SDC2: variants seen among roughly 807,000 people sequenced by gnomAD.
SDC2 encodes the protein syndecan 2.
Under a neutral mutation model 22.2 loss-of-function variants are expected in SDC2, and 13 were observed. The ratio of observed to expected loss-of-function variants is 0.59; its 90% confidence interval spans 0.38 to 0.93. The LOEUF is 0.93. SDC2 is among the 40% of genes least tolerant of loss of function. The pLI, the probability that SDC2 is intolerant of heterozygous loss-of-function variation, is 0.00. For missense variants in SDC2, 235 were observed against 246.8 expected (o/e 0.95, Z 0.32); for synonymous variants, 94 against 92.8 (o/e 1.01, Z -0.07).
chr8:96,559,940 T>G (rs1181716324), intron 1 of SDC2, among the ~76,000 whole-genome samples: 1 of 152,236 alleles, frequency 6.6e-6, no homozygotes. Flanking sequence ...ATATCAATAA[T>G]TCATTTGCCT....
intron 1 of SDC2, among the ~76,000 whole-genome samples, chr8:96,588,546 C>T (rs562673905): frequency 6.6e-6 from 1 of 152,134 alleles, no homozygotes; most frequent in Non-Finnish European, 1.5e-5. Flanking sequence ...GTTGGACTGC[C>T]TTTACCGTAA....
intron 1 of SDC2, among the ~76,000 whole-genome samples, chr8:96,545,369 C>G (rs889093394): frequency 6.6e-6 from 1 of 152,112 alleles, no homozygotes; most frequent in Non-Finnish European, 1.5e-5. Context: ...TTTTCACTTC[C>G]CCTTCCCCCA....
rs774751152 is a variant in SDC2, at chr8:96,609,451, G to C, written c.509G>C (p.Arg170Pro). The change falls in exon 5 of 5, where the codon CGC becomes CCC. Residue 170 changes from arginine (R) to proline (P), a missense_variant. By Grantham distance (103) the Arg-to-Pro change is moderately radical. Transcript: ENST00000302190. ...TTTCTTATCCTGCTGTTGGTGTATC[G>C]CATGAGAAAGAAGGATGAAGGAAGC... Reference protein sequence around the residue: ...AIFLILLLVYRMRKKDEGSYD... With the variant: ...AIFLILLLVYPMRKKDEGSYD... 1 of 1,613,224 alleles carries C rather than the reference G, an allele frequency of 6.2e-7. No homozygotes were observed. The highest frequency in any genetic ancestry group is 1.3e-5 in the African/African-American group (1 of 74,862).
intron 1 of SDC2, among the ~76,000 whole-genome samples, chr8:96,507,011 GA>G (rs3065030): frequency 0.044 from 4,897 of 111,352 alleles, 273 homozygotes; most frequent in African/African-American, 0.14. Flanking sequence ...TCTGTCTCAG[GA>G]AAAAAAAAAA....
intron 1 of SDC2, among the ~76,000 whole-genome samples, chr8:96,503,528 CACAT>C (rs1217408961): frequency 7.9e-5 from 12 of 151,842 alleles, no homozygotes; most frequent in Admixed American, 7.9e-4. Context: ...TGTGTAGATA[CACAT>C]ACACAAACAT....
At chr8:96,578,887 CA>C (rs1467836713) in intron 1 of SDC2, among the ~76,000 whole-genome samples, 1 of 152,132 alleles carries the variant, frequency 6.6e-6, no homozygotes, top group African/African-American at 2.4e-5. Flanking sequence ...TTAAACTTCC[CA>C]ACTAATAAAT....
At chr8:96,569,210 C>T (rs923319307) in intron 1 of SDC2, among the ~76,000 whole-genome samples, 13 of 152,174 alleles carry the variant, frequency 8.5e-5, no homozygotes, top group Admixed American at 2.6e-4. Context: ...GGTCTCACTA[C>T]GTTGCTCAGG....
chr8:96,533,660 C>T (rs934338804), intron 1 of SDC2, among the ~76,000 whole-genome samples: 3 of 152,162 alleles, frequency 2.0e-5, no homozygotes, highest in Non-Finnish European at 2.9e-5. Flanking sequence ...ACACAGAGTG[C>T]TGATTGGGGC....
At chr8:96,545,824 A>ATTTT (rs971819123) in intron 1 of SDC2, among the ~76,000 whole-genome samples, 27 of 152,166 alleles carry the variant, frequency 1.8e-4, no homozygotes, top group African/African-American at 6.5e-4. Context: ...GCTTTATGGA[A>ATTTT]TAAAAGAGGG....
At chr8:96,532,992 C>A (rs1175199994) in intron 1 of SDC2, among the ~76,000 whole-genome samples, 9 of 152,076 alleles carry the variant, frequency 5.9e-5, no homozygotes, top group Admixed American at 5.9e-4. Flanking sequence ...AGCCGCAGAC[C>A]CTTGCGGTGA....
chr8:96,501,546 G>A (rs1248036351), intron 1 of SDC2, among the ~76,000 whole-genome samples: 1 of 151,944 alleles, frequency 6.6e-6, no homozygotes, highest in African/African-American at 2.4e-5. Context: ...GACCTCAACT[G>A]ATCCGCCTGC....
intron 1 of SDC2, among the ~76,000 whole-genome samples, chr8:96,554,770 A>G (rs1032996790): frequency 2.6e-5 from 4 of 152,086 alleles, no homozygotes; most frequent in Middle Eastern, 3.2e-3. Context: ...TTCTTTTTTA[A>G]TGTTAAGACA....
intron 1 of SDC2, among the ~76,000 whole-genome samples, chr8:96,583,308 G>T (rs1586314030): frequency 7.4e-6 from 1 of 135,506 alleles, no homozygotes; most frequent in African/African-American, 2.8e-5. Context: ...CAATATATAT[G>T]ATATATGTAA....
Position 96,576,379 on chromosome 8 carries a change from G to GGTTTTTTTTTT in SDC2, c.61-17101_61-17100insGTTTTTTTTTT, listed in dbSNP as rs1554604674. Among the ~76,000 whole-genome samples the GGTTTTTTTTTT allele has an allele frequency of 6.3e-4, 30 of 47,570 alleles. 1 individual carries two copies. Among genetic ancestry groups the GGTTTTTTTTTT allele is most frequent in the Admixed American group, 1.8e-3 (7 of 3,878 alleles). The allele number at this position is 47,570 out of a possible 152,430, so 31.2% of individuals were successfully genotyped here. On this transcript the variant is annotated intron_variant, in intron 1 of 4. Transcript: ENST00000302190. ...ATAATTGGTAGTTTGTTTTTGTTTT[G>GGTTTTTTTTTT]TTTTGTTTTTTTTTACCAGATTTGC... is the stretch of plus-strand genomic sequence containing the variant.
At chr8:96,554,771 T>G (rs912577310) in intron 1 of SDC2, among the ~76,000 whole-genome samples, 1 of 152,168 alleles carries the variant, frequency 6.6e-6, no homozygotes, top group Admixed American at 6.5e-5. Flanking sequence ...TCTTTTTTAA[T>G]GTTAAGACAG....
intron 1 of SDC2, among the ~76,000 whole-genome samples, chr8:96,495,152 G>C (rs1403513819): frequency 6.6e-6 from 1 of 152,186 alleles, no homozygotes; most frequent in African/African-American, 2.4e-5. Flanking sequence ...GTGACACGGC[G>C]CTCGGCTTCG....
At chr8:96,518,843 G>A (rs1026677246) in intron 1 of SDC2, among the ~76,000 whole-genome samples, 8 of 152,142 alleles carry the variant, frequency 5.3e-5, no homozygotes, top group African/African-American at 1.7e-4. Flanking sequence ...GTTTTAATCC[G>A]TTAAATTTTT....
At chr8:96,576,379 G>T (rs10955076) in intron 1 of SDC2, among the ~76,000 whole-genome samples, 23,729 of 44,164 alleles carry the variant, frequency 0.54, 6,974 homozygotes, top group Middle Eastern at 0.63. Flanking sequence ...TTTTTGTTTT[G>T]TTTTGTTTTT....
At position 96,610,926 on chromosome 8, in the gene SDC2, A is replaced by G. The variant is rs1322734448; in HGVS notation, c.*1378A>G. ...AACCTTTATAGGATAACTGATGGCA[A>G]TATTAAGACAGACGCCTGCTTTTGC... On this transcript the variant is annotated 3_prime_UTR_variant, in exon 5 of 5. Coordinates refer to ENST00000302190, the MANE Select transcript of SDC2 (RefSeq NM_002998.4). 6.6e-6 allele frequency: 1 copy of G among 152,654 alleles called. No individual in the cohort carries two copies. Among genetic ancestry groups the G allele is most frequent in the Non-Finnish European group, 1.5e-5 (1 of 68,050 alleles). The allele number at this position is 152,654 out of a possible 1,614,324, so 9.5% of individuals were successfully genotyped here. A position where few individuals can be genotyped will look rare whatever the true frequency, so the allele number is the denominator to read the frequency against.
Sources: allele counts gnomAD v4.1 joint callset (sites outside exome capture counted in the v4.1 genomes callset), GRCh38; gene constraint gnomAD v4.1.1; transcripts MANE v1.5; gene names NCBI Gene and HGNC (gene_info 2026-07-23, HGNC 2026-07-21).